Variants in TAOK1 observed in about 807,000 individuals in gnomAD.
TAOK1 encodes TAO kinase 1, also known as serine/threonine-protein kinase TAO1.
TAOK1 carries 21 observed loss-of-function variants against 138.3 expected under a neutral mutation model. That is an observed-to-expected ratio of 0.15 (90% confidence interval 0.11 to 0.22). TAOK1 has a LOEUF of 0.22. TAOK1 is among the 10% of genes least tolerant of loss of function. The pLI is 1.00. For missense variants in TAOK1, 651 were observed against 1,227.7 expected (o/e 0.53, Z 7.02); for synonymous variants, 361 against 398.4 (o/e 0.91, Z 1.12).
chr17:29,534,781 GGTAAAATTAGTTCCACACAGGTGAAAA>G (rs1173725023), intron 19 of TAOK1, among the ~76,000 whole-genome samples: 2 of 152,154 alleles, frequency 1.3e-5, no homozygotes, highest in African/African-American at 4.8e-5. Context: ...AGGGACAGAA[GGTAAAATTAGTTCCACACAGGTGAAAA>G]GTCAGGCTGA....
chr17:29,481,536 A>C (rs1376772967), intron 7 of TAOK1, among the ~76,000 whole-genome samples: 2 of 152,070 alleles, frequency 1.3e-5, no homozygotes, highest in Non-Finnish European at 2.9e-5. Flanking sequence ...AATATTTGAG[A>C]ACCACTGGCC....
chr17:29,492,301 A>G (rs2031309831), intron 10 of TAOK1, among the ~76,000 whole-genome samples: 1 of 152,140 alleles, frequency 6.6e-6, no homozygotes, highest in Admixed American at 6.6e-5. Context: ...CTAGTTTTTT[A>G]TGCCGTTGTT....
At chr17:29,422,185 C>T (rs1905468223) in intron 1 of TAOK1, among the ~76,000 whole-genome samples, 1 of 150,770 alleles carries the variant, frequency 6.6e-6, no homozygotes, top group South Asian at 2.1e-4. Flanking sequence ...GCATGAGCCA[C>T]CACGCCCGGC....
chr17:29,490,961 G>T (rs745604627), intron 9 of TAOK1, among the ~76,000 whole-genome samples: 1 of 152,082 alleles, frequency 6.6e-6, no homozygotes, highest in Non-Finnish European at 1.5e-5. Context: ...TGAACAACTC[G>T]CATTAGGCCC....
intron 1 of TAOK1, among the ~76,000 whole-genome samples, chr17:29,418,126 A>G (rs1905313438): frequency 6.6e-6 from 1 of 152,062 alleles, no homozygotes; most frequent in Admixed American, 6.6e-5. Context: ...AGCTGAAGCA[A>G]TCCATCTGCC....
intron 1 of TAOK1, among the ~76,000 whole-genome samples, chr17:29,403,084 C>T (rs539877990): frequency 1.5e-4 from 21 of 137,796 alleles, no homozygotes; most frequent in African/African-American, 5.2e-4. Context: ...CTGCTTCAAC[C>T]TGGGAGGTGG....
At chr17:29,470,121 A>C (rs1197127018) in intron 3 of TAOK1, among the ~76,000 whole-genome samples, 1 of 152,196 alleles carries the variant, frequency 6.6e-6, no homozygotes, top group Admixed American at 6.5e-5. Context: ...TCCTCCTCTC[A>C]CACCTCCTAA....
chr17:29,416,307 ATTTATT>A (rs1331650000), intron 1 of TAOK1, among the ~76,000 whole-genome samples: 1 of 151,872 alleles, frequency 6.6e-6, no homozygotes, highest in East Asian at 1.9e-4. Flanking sequence ...TTGCAACATT[ATTTATT>A]TTTATTTTTA....
At chr17:29,446,359 A>G (rs2030077170) in intron 1 of TAOK1, among the ~76,000 whole-genome samples, 1 of 151,716 alleles carries the variant, frequency 6.6e-6, no homozygotes, top group Non-Finnish European at 1.5e-5. Context: ...CTCCTCCCTC[A>G]GCCTACCGAG....
intron 5 of TAOK1, 24 bp from the exon 6 acceptor site, chr17:29,478,223 TATTA>T (rs754218815): frequency 3.3e-6 from 5 of 1,536,514 alleles, no homozygotes; most frequent in South Asian, 2.4e-5. Context: ...ATGTTCTGTG[TATTA>T]ATTATTTTGA....
chr17:29,509,118 C>T (rs1475613944), intron 14 of TAOK1, among the ~76,000 whole-genome samples: 2 of 152,008 alleles, frequency 1.3e-5, no homozygotes, highest in Non-Finnish European at 2.9e-5. Flanking sequence ...ACAATGTATA[C>T]ATATTTAAAA....
chr17:29,436,161 A>T (rs1906024607), intron 1 of TAOK1, among the ~76,000 whole-genome samples: 2 of 152,204 alleles, frequency 1.3e-5, no homozygotes, highest in African/African-American at 4.8e-5. Flanking sequence ...TGTTTTAAAA[A>T]TTTAAAAATC....
chr17:29,482,506 T>G (rs1451474666), intron 8 of TAOK1, among the ~76,000 whole-genome samples: 1 of 152,162 alleles, frequency 6.6e-6, no homozygotes, highest in South Asian at 2.1e-4. Flanking sequence ...TCTAAAATAA[T>G]TTTCCACTGT....
rs1198689346 is a variant in TAOK1 at position 29,547,460 on chromosome 17, G to T, written c.*4438G>T. 1 of 152,068 alleles carries T rather than the reference G, an allele frequency of 6.6e-6. No homozygotes were observed. Among genetic ancestry groups the T allele is most frequent in the African/African-American group, 2.4e-5 (1 of 41,414 alleles). The allele number at this position is 152,068 out of a possible 1,614,324, so 9.4% of individuals were successfully genotyped here. On this transcript the variant is annotated 3_prime_UTR_variant, in exon 20 of 20. Coordinates refer to ENST00000261716, the MANE Select transcript of TAOK1 (RefSeq NM_020791.4). ...GCCACTACTATTCAAGTAGAGATTT[G>T]CCCCAACACATTAACTTTTTCCTTG... is the stretch of plus-strand genomic sequence containing the variant.
In TAOK1 at chr17:29,522,582, G is replaced by A. The variant is rs540764167; in HGVS notation, c.2148+63G>A. 1.8e-5 allele frequency: 29 copies of A among 1,589,832 alleles called. No individual in the cohort carries two copies. In the South Asian group the frequency reaches 3.1e-4, roughly 17 times the overall value. Reference sequence around the variant, plus strand: ...AATGAAAAGGTATCCATGTAAGCAGGAAAAGTCTTAAGATGATGTCTAGTC... The same window carrying A: ...AATGAAAAGGTATCCATGTAAGCAGAAAAAGTCTTAAGATGATGTCTAGTC... On this transcript the variant is annotated intron_variant, in intron 17 of 19. Coordinates refer to ENST00000261716, the MANE Select transcript of TAOK1 (RefSeq NM_020791.4).
intron 1 of TAOK1, among the ~76,000 whole-genome samples, chr17:29,436,052 C>T (rs1309193214): frequency 6.6e-6 from 1 of 152,194 alleles, no homozygotes; most frequent in Non-Finnish European, 1.5e-5. Flanking sequence ...ATCGGTTGAA[C>T]CCGGGAGGCA....
chr17:29,530,838 T>C (rs1161011044), intron 18 of TAOK1: 4 of 570,410 alleles, frequency 7.0e-6, no homozygotes, highest in South Asian at 2.0e-5. Context: ...AGGTTCTAAA[T>C]AGGCTCCCTG....
At position 29,544,260 on chromosome 17, in the gene TAOK1, T is replaced by A. The variant is rs1245461289; in HGVS notation, c.*1238T>A. Reference sequence around the variant, plus strand: ...TCACTGAGCCAATGACTTTACCAGCTGCTGACTAATCTTCATCACCACTGT... The same window carrying A: ...TCACTGAGCCAATGACTTTACCAGCAGCTGACTAATCTTCATCACCACTGT... On this transcript the variant is annotated 3_prime_UTR_variant, in exon 20 of 20. Coordinates refer to ENST00000261716, the MANE Select transcript of TAOK1 (RefSeq NM_020791.4). The A allele has an allele frequency of 6.5e-6, 1 of 152,696 alleles. No homozygotes were observed. Among genetic ancestry groups the A allele is most frequent in the African/African-American group, 2.4e-5 (1 of 41,470 alleles). The allele number at this position is 152,696 out of a possible 1,614,324, so 9.5% of individuals were successfully genotyped here.
At chr17:29,466,363 C>T (rs1448641048) in intron 2 of TAOK1, among the ~76,000 whole-genome samples, 2 of 152,108 alleles carry the variant, frequency 1.3e-5, no homozygotes, top group South Asian at 2.1e-4. Context: ...AGGCTGATCT[C>T]GAACTGCTGA....
Sources: gnomAD v4.1 joint callset for allele counts (sites outside exome capture counted in the v4.1 genomes callset) on GRCh38, gnomAD v4.1.1 for gene constraint, MANE v1.5 for transcripts, NCBI Gene and HGNC (gene_info 2026-07-23, HGNC 2026-07-21) for gene names.